COBLL1: variants seen among roughly 807,000 people sequenced by gnomAD.
COBLL1 encodes the protein cordon-bleu protein-like 1.
A neutral mutation model predicts 94.8 loss-of-function variants in COBLL1; 50 were observed. The ratio of observed to expected loss-of-function variants is 0.53; its 90% confidence interval spans 0.42 to 0.67. The LOEUF (loss-of-function observed/expected upper bound fraction) is 0.67. COBLL1 is among the 30% of genes least tolerant of loss of function. COBLL1 has a pLI of 0.00. For missense variants in COBLL1, 1,362 were observed against 1,348.7 expected, an observed-to-expected ratio of 1.01 and a Z score of -0.15; for synonymous variants, 448 against 473.8, an observed-to-expected ratio of 0.95 and a Z score of 0.71.
chr2:164,728,777 T>C (rs1685842550), intron 4 of COBLL1, among the ~76,000 whole-genome samples: 2 of 152,060 alleles, frequency 1.3e-5, no homozygotes, highest in Non-Finnish European at 2.9e-5. Flanking sequence ...ATTACTACTT[T>C]GGCTAATTTT....
At chr2:164,767,415 A>C (rs948510490) in intron 2 of COBLL1, among the ~76,000 whole-genome samples, 2 of 152,208 alleles carry the variant, frequency 1.3e-5, no homozygotes, top group Non-Finnish European at 2.9e-5. Context: ...CAGGTTATAA[A>C]AAGGTCAGGT....
intron 7 of COBLL1, among the ~76,000 whole-genome samples, chr2:164,709,340 C>A (rs1684765216): frequency 6.6e-6 from 1 of 152,156 alleles, no homozygotes; most frequent in Non-Finnish European, 1.5e-5. Flanking sequence ...TGACATTCAC[C>A]ACCCTTACCA....
intron 12 of COBLL1, among the ~76,000 whole-genome samples, chr2:164,693,053 G>T (rs913873792): frequency 6.6e-6 from 1 of 152,118 alleles, no homozygotes; most frequent in Non-Finnish European, 1.5e-5. Flanking sequence ...AGTAACTGAT[G>T]TAAGTGGCAT....
chr2:164,779,780 C>T (rs763239463), intron 2 of COBLL1: 30 of 470,220 alleles, frequency 6.4e-5, no homozygotes, highest in Non-Finnish European at 1.1e-4. Context: ...GTCCCAATAA[C>T]TGAGCCTAGA....
chr2:164,817,344 A>T (rs988802539), intron 2 of COBLL1, among the ~76,000 whole-genome samples: 3 of 138,400 alleles, frequency 2.2e-5, no homozygotes, highest in Admixed American at 1.5e-4. Flanking sequence ...CCCTTATCTG[A>T]GTGTAATGGT....
chr2:164,740,634 T>C (rs1686540283), intron 3 of COBLL1, among the ~76,000 whole-genome samples: 1 of 152,214 alleles, frequency 6.6e-6, no homozygotes, highest in African/African-American at 2.4e-5. Context: ...CCTACCACAT[T>C]GCAAGAAACT....
chr2:164,719,862 T>C (rs1685358495), intron 7 of COBLL1, among the ~76,000 whole-genome samples: 1 of 151,752 alleles, frequency 6.6e-6, no homozygotes, highest in Non-Finnish European at 1.5e-5. Context: ...TCTGAATAAG[T>C]GCAGAAATAT....
At position 164,728,185 on chromosome 2, in the gene COBLL1, C is replaced by G; in HGVS notation, c.445G>C (p.Val149Leu). The G allele has an allele frequency of 1.2e-6, 2 of 1,609,598 alleles. No individual in the cohort carries two copies. Among genetic ancestry groups the G allele is most frequent in the Non-Finnish European group, 1.7e-6 (2 of 1,176,282 alleles). ...TPIIPEKTVRVVINFKKTQKT... is the reference protein window; with the variant it reads ...TPIIPEKTVRLVINFKKTQKT... ...TGTGTTTTCTTAAAATTAATCACTA[C>G]TCTCACAGTTTTCTGAAACACATAT... The change falls in exon 5 of 14, where the codon GTA (valine) becomes CTA (leucine). Residue 149 changes from valine (V) to leucine (L), a missense_variant. Transcript: ENST00000652658.
At chr2:164,789,056 C>T (rs1683034604) in intron 2 of COBLL1, among the ~76,000 whole-genome samples, 2 of 128,050 alleles carry the variant, frequency 1.6e-5, no homozygotes, top group South Asian at 4.7e-4. Flanking sequence ...CACACACACA[C>T]ACACACACAG....
intron 3 of COBLL1, among the ~76,000 whole-genome samples, chr2:164,739,939 C>G (rs1227196305): frequency 6.6e-6 from 1 of 152,140 alleles, no homozygotes; most frequent in East Asian, 1.9e-4. Flanking sequence ...ATTAAGATAT[C>G]CCAAGTCACA....
chr2:164,699,287 G>A, intron 11 of COBLL1, 118 bp downstream of exon 11: 1 of 709,868 alleles, frequency 1.4e-6, no homozygotes. Flanking sequence ...CCATAAATGA[G>A]GTAGGTATTA....
chr2:164,803,559 T>C lies in COBLL1; in HGVS notation c.41+37597A>G, dbSNP rs887041773. Among the ~76,000 whole-genome samples, 17 of 118,738 alleles carry C rather than the reference T, an allele frequency of 1.4e-4. No individual in the cohort carries two copies. The South Asian group carries it at 3.2e-3, about 23-fold the overall frequency. 77.9% of individuals were successfully genotyped at this position (118,738 alleles called of 152,430 possible). ...CAGCCTGGGTGACAGAGCGAGACTCTGTCTCAAAAATAAATAAATAAATAA... is the reference window on the plus strand; with the variant it reads ...CAGCCTGGGTGACAGAGCGAGACTCCGTCTCAAAAATAAATAAATAAATAA... On this transcript the variant is annotated intron_variant, in intron 2 of 13. Transcript: ENST00000652658.
intron 2 of COBLL1, among the ~76,000 whole-genome samples, chr2:164,807,962 G>A (rs959512091): frequency 6.6e-6 from 1 of 152,096 alleles, no homozygotes; most frequent in African/African-American, 2.4e-5. Flanking sequence ...TGGGACTACA[G>A]GCATGCACCA....
At chr2:164,758,665 A>C (rs910534345) in intron 2 of COBLL1, among the ~76,000 whole-genome samples, 2 of 152,122 alleles carry the variant, frequency 1.3e-5, no homozygotes, top group African/African-American at 4.8e-5. Context: ...ACTACAATTA[A>C]ATTTTTTTTA....
chr2:164,820,686 T>C (rs1391773053), intron 2 of COBLL1, among the ~76,000 whole-genome samples: 1 of 152,196 alleles, frequency 6.6e-6, no homozygotes, highest in Non-Finnish European at 1.5e-5. Flanking sequence ...AAGTTCAAAA[T>C]GTGGGCACAC....
Position 164,841,125 on chromosome 2 carries a change from G to A in COBLL1, c.41+31C>T. Reference sequence around the variant, plus strand: ...TGTCCTCGCCGGCCTCGCCCTCCCCGGTGAGAGGCGGCGCGGCGCTCTGGG... The same window carrying A: ...TGTCCTCGCCGGCCTCGCCCTCCCCAGTGAGAGGCGGCGCGGCGCTCTGGG... On this transcript the variant is annotated intron_variant, in intron 2 of 13. Transcript: ENST00000652658. This position sits in a 1 kb window ranked among gnomAD's most constrained non-coding sequence, Gnocchi z 5.5. 8.1e-7 allele frequency: 1 copy of A among 1,229,400 alleles called. No individual in the cohort carries two copies. The highest frequency in any genetic ancestry group is 1.0e-6 in the Non-Finnish European group (1 of 986,382). 76.2% of individuals were successfully genotyped at this position (1,229,400 alleles called of 1,614,324 possible). A position where few individuals can be genotyped will look rare whatever the true frequency, so the allele number is the denominator to read the frequency against.
At chr2:164,719,260 C>T (rs965527810) in intron 7 of COBLL1, among the ~76,000 whole-genome samples, 1 of 151,926 alleles carries the variant, frequency 6.6e-6, no homozygotes, top group African/African-American at 2.4e-5. Context: ...AACAATGATT[C>T]GGATCTTAAA....
intron 1 of COBLL1, among the ~76,000 whole-genome samples, chr2:164,666,928 T>C (rs1691168617): frequency 6.6e-6 from 1 of 152,180 alleles, no homozygotes; most frequent in Non-Finnish European, 1.5e-5. Context: ...CTCTTTTTAA[T>C]GTTGCTGTTT....
chr2:164,718,847 C>A (rs1307418316), intron 7 of COBLL1, among the ~76,000 whole-genome samples: 1 of 152,104 alleles, frequency 6.6e-6, no homozygotes, highest in Non-Finnish European at 1.5e-5. Flanking sequence ...AGATACAGAA[C>A]ACAGGATTTT....
Sources: gnomAD v4.1 joint callset for allele counts (sites outside exome capture counted in the v4.1 genomes callset) on GRCh38, gnomAD v4.1.1 for gene constraint, Gnocchi (gnomAD v3.1) non-coding constraint, MANE v1.5 for transcripts, NCBI Gene and HGNC (gene_info 2026-07-23, HGNC 2026-07-21) for gene names.